The following CFAP69 variants were observed in gnomAD, a reference collection of about 807,000 sequenced individuals.
CFAP69 encodes cilia- and flagella-associated protein 69.
Under a neutral mutation model 123.0 loss-of-function variants are expected in CFAP69, and 92 were observed. That is an observed-to-expected ratio of 0.75 (90% CI 0.63 to 0.89). The LOEUF (loss-of-function observed/expected upper bound fraction) is 0.89, where lower values mean the gene tolerates loss of function less well. Among genes scored for constraint, CFAP69 ranks in the 40% least tolerant of loss-of-function variants. The pLI is 0.00. For missense variants in CFAP69, 1,067 were observed against 1,096.9 expected (o/e 0.97, Z 0.39); for synonymous variants, 380 against 364.3 (o/e 1.04, Z -0.49).
intron 5 of CFAP69, chr7:90,266,014 A>G (rs953268265): frequency 2.6e-5 from 4 of 152,064 alleles, no homozygotes; most frequent in African/African-American, 4.8e-5. Flanking sequence ...CCCAAAACAA[A>G]TCCTACATTA....
Position 90,245,369 on chromosome 7 carries a change from C to A in CFAP69, c.-56C>A. 1.4e-6 allele frequency: 2 copies of A among 1,450,958 alleles called. No individual in the cohort carries two copies. The highest frequency in any genetic ancestry group is 9.1e-7 in the Non-Finnish European group (1 of 1,100,882). 89.9% of individuals were successfully genotyped at this position (1,450,958 alleles called of 1,614,324 possible). On this transcript the variant is annotated 5_prime_UTR_variant, in exon 1 of 23. Coordinates refer to ENST00000389297, the MANE Select transcript of CFAP69 (RefSeq NM_001039706.3). ...GGGGCCTCTTTGGGCCCAGCGGCTG[C>A]GGGCGCACTGTAGGACAGGAAGATC...
chr7:90,305,024 A>G (rs1366763260), intron 19 of CFAP69, among the ~76,000 whole-genome samples: 1 of 152,158 alleles, frequency 6.6e-6, no homozygotes, highest in African/African-American at 2.4e-5. Flanking sequence ...ATTTCATCCA[A>G]CTTAGTTTGT....
chr7:90,322,782 TAA>T, the CFAP69 span, among the ~76,000 whole-genome samples: 1 of 152,212 alleles, frequency 6.6e-6, no homozygotes, highest in Admixed American at 6.5e-5. Context: ...AGTAATGTAC[TAA>T]ATAGGAGTAC....
intron 1 of CFAP69, 101 bp downstream of exon 1, chr7:90,245,645 G>C: frequency 7.3e-7 from 1 of 1,370,788 alleles, no homozygotes; most frequent in East Asian, 2.8e-5. Flanking sequence ...CTGGGGACAG[G>C]AGTGAAGATG....
chr7:90,292,196 T>C (rs1245791089), intron 15 of CFAP69, among the ~76,000 whole-genome samples: 1 of 152,210 alleles, frequency 6.6e-6, no homozygotes, highest in Non-Finnish European at 1.5e-5. Flanking sequence ...CTCTGTTCCA[T>C]AAGGAATCTC....
chr7:90,259,780 C>G (rs1329040706), intron 3 of CFAP69, among the ~76,000 whole-genome samples: 1 of 151,910 alleles, frequency 6.6e-6, no homozygotes. Flanking sequence ...GCCACCACAG[C>G]TGGCCATTTT....
intron 17 of CFAP69, 24 bp from the exon 18 acceptor site, chr7:90,303,945 A>G: frequency 2.6e-6 from 4 of 1,533,698 alleles, no homozygotes; most frequent in African/African-American, 1.4e-5. Context: ...TCCCTTTTCT[A>G]TTTTCATGCT....
chr7:90,284,083 T>A (rs958378019), intron 13 of CFAP69, among the ~76,000 whole-genome samples: 4 of 152,180 alleles, frequency 2.6e-5, no homozygotes, highest in Non-Finnish European at 5.9e-5. Context: ...ATCTTTCATA[T>A]GTCTAGGAAG....
chr7:90,273,075 T>C (rs1220943121), intron 8 of CFAP69, among the ~76,000 whole-genome samples: 1 of 152,174 alleles, frequency 6.6e-6, no homozygotes, highest in Non-Finnish European at 1.5e-5. Context: ...CTACTATTAA[T>C]ACAAGGGAAC....
chr7:90,288,565 G>C (rs1334461913), intron 15 of CFAP69, among the ~76,000 whole-genome samples: 1 of 152,106 alleles, frequency 6.6e-6, no homozygotes, highest in Non-Finnish European at 1.5e-5. Context: ...TCATATTACT[G>C]TACTGAAGAT....
intron 14 of CFAP69, 102 bp downstream of exon 14, chr7:90,286,501 A>T (rs1790297991): frequency 8.1e-7 from 1 of 1,236,072 alleles, no homozygotes; most frequent in Admixed American, 2.3e-5. Context: ...GTGAAAATTT[A>T]ATATTTTTGT....
rs764291412 is a variant in CFAP69 at position 90,304,723 on chromosome 7, TCTTTATAAA to T, written c.2189-14_2189-6del. On this transcript the variant is annotated splice_polypyrimidine_tract_variant and intron_variant, in intron 18 of 22. Transcript: ENST00000389297. ...CACTTGCTCTGCTAAAGTAATTCTG[TCTTTATAAA>T]CTTTATTTTAGATTTTGAAAATTTA... is the stretch of plus-strand genomic sequence containing the variant. 1.0e-5 allele frequency: 16 copies of T among 1,596,602 alleles called. No homozygotes were observed. Among genetic ancestry groups the T allele is most frequent in the Middle Eastern group, 1.7e-4 (1 of 6,010 alleles).
chr7:90,297,426 T>A (rs986370847), intron 15 of CFAP69, among the ~76,000 whole-genome samples: 2 of 152,074 alleles, frequency 1.3e-5, no homozygotes, highest in African/African-American at 4.8e-5. Flanking sequence ...AATGGATATA[T>A]CTTGCAAAAA....
intron 6 of CFAP69, among the ~76,000 whole-genome samples, chr7:90,269,703 G>A (rs770225121): frequency 7.9e-5 from 12 of 152,150 alleles, no homozygotes; most frequent in Non-Finnish European, 1.8e-4. Context: ...CTGGATTTGA[G>A]AGTGAGAGAG....
Position 90,299,935 on chromosome 7 carries a change from T to C in CFAP69, c.1926T>C (p.Thr642=), listed in dbSNP as rs1468227166. 6.2e-7 allele frequency: 1 copy of C among 1,611,748 alleles called. No individual in the cohort carries two copies. The highest frequency in any genetic ancestry group is 8.5e-7 in the Non-Finnish European group (1 of 1,178,718). ...IMVEFCDNPK[T]AAHVNAWQGK... is the part of the protein sequence containing the mutation. ...TTGAATTTTGTGATAATCCCAAAACTGCAGCTCATGTCAATGCTTGGCAAG... is the reference window on the plus strand; with the variant it reads ...TTGAATTTTGTGATAATCCCAAAACCGCAGCTCATGTCAATGCTTGGCAAG... The change falls in exon 17 of 23, where the codon ACT becomes ACC. Residue 642 remains threonine (T), a synonymous_variant. Transcript: ENST00000389297.
chr7:90,267,105 T>TA (rs1367966799), intron 5 of CFAP69, among the ~76,000 whole-genome samples: 4 of 152,242 alleles, frequency 2.6e-5, no homozygotes, highest in Non-Finnish European at 4.4e-5. Flanking sequence ...TGTTGCCTAA[T>TA]ATGTTTTAAA....
intron 17 of CFAP69, 72 bp from the exon 18 acceptor site, chr7:90,303,897 C>T: frequency 7.0e-7 from 1 of 1,418,566 alleles, no homozygotes; most frequent in South Asian, 1.5e-5. Context: ...AGACTAAAAT[C>T]TCAAAATTAA....
intron 3 of CFAP69, among the ~76,000 whole-genome samples, chr7:90,260,304 T>C (rs1798152159): frequency 6.6e-6 from 1 of 151,780 alleles, no homozygotes; most frequent in African/African-American, 2.4e-5. Context: ...GGCAGGAGGA[T>C]CATTTGAGGC....
rs1584265734 is a variant in CFAP69, at chr7:90,245,637, G to A, written c.120+93G>A. 5.0e-6 allele frequency: 7 copies of A among 1,393,688 alleles called. No homozygotes were observed. In the East Asian group the frequency reaches 2.0e-4, roughly 39 times the overall value. 86.3% of individuals were successfully genotyped at this position (1,393,688 alleles called of 1,614,324 possible). A position where few individuals can be genotyped will look rare whatever the true frequency, so the allele number is the denominator to read the frequency against. ...ACCTGGGGGTGGCAAGGGTGGAACT[G>A]GGGACAGGAGTGAAGATGGGGGAAG... On this transcript the variant is annotated intron_variant, in intron 1 of 22. Coordinates refer to ENST00000389297, the MANE Select transcript of CFAP69 (RefSeq NM_001039706.3).
Sources: gnomAD v4.1 joint callset for allele counts (sites outside exome capture counted in the v4.1 genomes callset) on GRCh38, gnomAD v4.1.1 for gene constraint, MANE v1.5 for transcripts, NCBI Gene and HGNC (gene_info 2026-07-23, HGNC 2026-07-21) for gene names.